DAB1: variants seen among roughly 807,000 people sequenced by gnomAD.
DAB1 encodes the protein DAB adaptor protein 1, also known as disabled homolog 1.
Under a neutral mutation model 64.6 loss-of-function variants are expected in DAB1, and 15 were observed. That is an observed-to-expected ratio of 0.23 (90% confidence interval 0.16 to 0.36). The LOEUF is 0.36. Among genes scored for constraint, DAB1 ranks in the 10% least tolerant of loss-of-function variants. DAB1 has a pLI of 1.00. For synonymous variants in DAB1, 235 were observed against 251.9 expected (o/e 0.93, Z 0.64); for missense variants, 596 against 706.7 (o/e 0.84, Z 1.78).
intron 5 of DAB1, among the ~76,000 whole-genome samples, chr1:58,130,153 C>T (rs1653437609): frequency 1.4e-5 from 2 of 142,768 alleles, no homozygotes; most frequent in African/African-American, 2.6e-5. Flanking sequence ...GTATTGGGTG[C>T]ATATATATTT....
chr1:57,969,881 T>C (rs1019895064), intron 5 of DAB1, among the ~76,000 whole-genome samples: 4 of 152,156 alleles, frequency 2.6e-5, no homozygotes, highest in African/African-American at 4.8e-5. Context: ...TATTTGTGTC[T>C]CTCCAACATT....
chr1:57,264,238 A>T (rs1417861617), intron 2 of DAB1, among the ~76,000 whole-genome samples: 1 of 152,198 alleles, frequency 6.6e-6, no homozygotes, highest in Non-Finnish European at 1.5e-5. Context: ...TTCACCTACT[A>T]GACACAGAAA....
chr1:57,309,072 A>C (rs1015961105), intron 1 of DAB1, among the ~76,000 whole-genome samples: 14 of 152,188 alleles, frequency 9.2e-5, no homozygotes, highest in African/African-American at 3.4e-4. Flanking sequence ...TTTTTAGCTC[A>C]TCAGCTATCA....
intron 6 of DAB1, among the ~76,000 whole-genome samples, chr1:57,735,899 G>C (rs953141024): frequency 1.3e-5 from 2 of 152,048 alleles, no homozygotes; most frequent in African/African-American, 2.4e-5. Context: ...TGCACTTCTA[G>C]AGAATAAAAT....
At chr1:57,255,581 G>A (rs1669701163) in intron 2 of DAB1, among the ~76,000 whole-genome samples, 1 of 152,082 alleles carries the variant, frequency 6.6e-6, no homozygotes, top group Non-Finnish European at 1.5e-5. Flanking sequence ...AATCACCTGA[G>A]CCAGGAGGTC....
At chr1:58,277,426 T>C (rs1661476925) in intron 4 of DAB1, among the ~76,000 whole-genome samples, 1 of 152,206 alleles carries the variant, frequency 6.6e-6, no homozygotes, top group Non-Finnish European at 1.5e-5. Flanking sequence ...TGCTAAAGGA[T>C]TTTAAGATGA....
intron 3 of DAB1, among the ~76,000 whole-genome samples, chr1:58,445,743 G>A (rs1413990461): frequency 2.0e-5 from 3 of 152,192 alleles, no homozygotes; most frequent in African/African-American, 4.8e-5. Flanking sequence ...CATCCCTTGT[G>A]CTTAGGAAGC....
chr1:58,207,467 T>G (rs1036194506), intron 4 of DAB1, among the ~76,000 whole-genome samples: 1 of 152,168 alleles, frequency 6.6e-6, no homozygotes, highest in Non-Finnish European at 1.5e-5. Flanking sequence ...CAGCAGCAAG[T>G]TGCTGCTTAG....
At chr1:58,479,771 G>T (rs1203168196) in intron 3 of DAB1, among the ~76,000 whole-genome samples, 3 of 152,164 alleles carry the variant, frequency 2.0e-5, no homozygotes, top group African/African-American at 7.2e-5. Context: ...CAGATTTGTA[G>T]TCAGATAGAC....
chr1:58,298,880 C>T (rs1662051979), intron 4 of DAB1, among the ~76,000 whole-genome samples: 1 of 152,224 alleles, frequency 6.6e-6, no homozygotes, highest in Admixed American at 6.5e-5. Context: ...TCTAATTACT[C>T]TACTCTATGT....
intron 2 of DAB1, among the ~76,000 whole-genome samples, chr1:57,169,829 A>T (rs1025275989): frequency 1.3e-5 from 2 of 151,710 alleles, no homozygotes; most frequent in Non-Finnish European, 2.9e-5. Context: ...ACTGACTCCT[A>T]CCCTGCTCCT....
At position 57,695,435 on chromosome 1, in the gene DAB1, A is replaced by AG. The variant is rs1646832808; in HGVS notation, n.552-45771_552-45770insC. On this transcript the variant is annotated intron_variant and non_coding_transcript_variant, in intron 6 of 20. Coordinates refer to the DAB1 transcript ENST00000485760. The stretch of plus-strand genomic sequence containing the variant: ...AAGAAAGAAAGAAAGAAAGAAAGAA[A>AG]AAAGAAGAAAAGAGCCAATTAAGTC... 2.7e-5 allele frequency among the ~76,000 whole-genome samples: 4 copies of AG among 148,060 alleles called. 1 individual carries two copies. Among genetic ancestry groups the AG allele is most frequent in the African/African-American group, 1.0e-4 (4 of 39,780 alleles).
intron 6 of DAB1, among the ~76,000 whole-genome samples, chr1:57,783,108 T>TTTC (rs1553128574): frequency 2.2e-4 from 31 of 139,970 alleles, no homozygotes; most frequent in South Asian, 7.2e-4. Flanking sequence ...TCTCTTTTCT[T>TTTC]TTTTTTTTTT....
At chr1:57,228,039 C>T (rs1041690122) in intron 2 of DAB1, among the ~76,000 whole-genome samples, 4 of 152,174 alleles carry the variant, frequency 2.6e-5, no homozygotes, top group African/African-American at 9.7e-5. Context: ...CCTGAGGCAT[C>T]AAAGGGAATG....
At chr1:57,743,392 A>T (rs1648096511) in intron 6 of DAB1, among the ~76,000 whole-genome samples, 1 of 152,086 alleles carries the variant, frequency 6.6e-6, no homozygotes, top group Admixed American at 6.5e-5. Context: ...CCTGCAAAAC[A>T]TTGCTCTTAA....
chr1:58,421,066 GC>G (rs1014611358), intron 3 of DAB1, among the ~76,000 whole-genome samples: 2 of 152,040 alleles, frequency 1.3e-5, no homozygotes, highest in Non-Finnish European at 2.9e-5. Context: ...CAACCCCCAG[GC>G]CACCTCTAAC....
chr1:58,037,935 CCTT>C lies in DAB1; in HGVS notation n.387+112573_387+112575del, dbSNP rs555176664. Among the ~76,000 whole-genome samples, 438 of 152,190 alleles carry C rather than the reference CCTT, an allele frequency of 2.9e-3. 1 individual carries two copies. The highest frequency in any genetic ancestry group is 9.8e-3 in the African/African-American group (407 of 41,520). On this transcript the variant is annotated intron_variant and non_coding_transcript_variant, in intron 5 of 20. Transcript: ENST00000485760. Reference sequence around the variant, plus strand: ...TAGGTGTTAATGGCCCTGAATGACTCCTTAGAGAGAGGCAGCCCTGTTGATCTA... The same window carrying C: ...TAGGTGTTAATGGCCCTGAATGACTCAGAGAGAGGCAGCCCTGTTGATCTA...
At chr1:57,906,915 AT>A (rs1166429020) in intron 5 of DAB1, among the ~76,000 whole-genome samples, 1 of 151,052 alleles carries the variant, frequency 6.6e-6, no homozygotes, top group Non-Finnish European at 1.5e-5. Flanking sequence ...AGACACACAT[AT>A]AAAAATAAGA....
At chr1:57,759,747 C>A (rs978887176) in intron 6 of DAB1, among the ~76,000 whole-genome samples, 10 of 152,032 alleles carry the variant, frequency 6.6e-5, no homozygotes, top group African/African-American at 2.2e-4. Context: ...TGTTAAGAAA[C>A]CAGTTAGGAG....
Sources: gnomAD v4.1 joint callset for allele counts (sites outside exome capture counted in the v4.1 genomes callset) on GRCh38, gnomAD v4.1.1 for gene constraint, MANE v1.5 for transcripts, NCBI Gene and HGNC (gene_info 2026-07-23, HGNC 2026-07-21) for gene names.